ELMOD2: variants seen among roughly 807,000 people sequenced by gnomAD.
ELMOD2 encodes ELMO domain-containing protein 2.
In ELMOD2, 28 loss-of-function variants were observed where a neutral mutation model predicts 41.0. The ratio of observed to expected loss-of-function variants is 0.68; its 90% CI spans 0.51 to 0.94. ELMOD2 has a LOEUF of 0.94. Among genes scored for constraint, ELMOD2 ranks in the 40% least tolerant of loss-of-function variants. The pLI, the probability that ELMOD2 is intolerant of heterozygous loss-of-function variation, is 0.00. For missense variants in ELMOD2, 333 were observed against 343.1 expected (o/e 0.97, Z 0.23); for synonymous variants, 106 against 107.2 (o/e 0.99, Z 0.07).
chr4:140,530,351 G>A (rs551619676), intron 3 of ELMOD2, among the ~76,000 whole-genome samples: 1 of 152,280 alleles, frequency 6.6e-6, no homozygotes, highest in East Asian at 1.9e-4. Context: ...CACATGTTCA[G>A]TATTCAACCA....
At chr4:140,543,222 G>C (rs943062101) in intron 7 of ELMOD2, among the ~76,000 whole-genome samples, 2 of 151,896 alleles carry the variant, frequency 1.3e-5, no homozygotes, top group Non-Finnish European at 2.9e-5. Context: ...TAGATATCAT[G>C]TGAACAGAGC....
rs16998469 is a variant in ELMOD2 at position 140,540,016 on chromosome 4, A to T, written c.400-152A>T. 0.12 allele frequency: 95,289 copies of T among 807,802 alleles called. 6,179 individuals are homozygous for T. The highest frequency in any genetic ancestry group is 0.21 in the Admixed American group (7,103 of 33,780). 50.0% of individuals were successfully genotyped at this position (807,802 alleles called of 1,614,324 possible). On this transcript the variant is annotated intron_variant, in intron 5 of 8. Transcript: ENST00000323570. ...TTATACCAGTCTTTTTAATGGGAAT[A>T]AATGTGCTGCGTGTTTTAGGATAAT...
intron 4 of ELMOD2, among the ~76,000 whole-genome samples, chr4:140,536,841 T>TAAA (rs1182328569): frequency 2.4e-4 from 37 of 151,998 alleles, no homozygotes; most frequent in Middle Eastern, 3.4e-3. Context: ...GGAGAAAGAG[T>TAAA]GCTATGAGGA....
intron 1 of ELMOD2, chr4:140,524,706 ATTTTGT>A: frequency 1.0e-6 from 1 of 963,102 alleles, no homozygotes; most frequent in Non-Finnish European, 1.2e-6. Flanking sequence ...GAGACGAGCA[ATTTTGT>A]TTTTAAGTAT....
rs1461758180 is a variant in ELMOD2, at chr4:140,525,409, CCCT to C, written c.-9-5_-9-3del. ...GTCATTAAGCTTGTCTTGTATGTTT[CCCT>C]CCTCCAGGAAAAAAAAATGTTTATT... On this transcript the variant is annotated splice_polypyrimidine_tract_variant and splice_region_variant and intron_variant, in intron 1 of 8. Coordinates refer to ENST00000323570, the MANE Select transcript of ELMOD2 (RefSeq NM_153702.4). 8 of 1,610,346 alleles carry C rather than the reference CCCT, an allele frequency of 5.0e-6. No individual in the cohort carries two copies. The Admixed American group carries it at 8.4e-5, about 17-fold the overall frequency.
chr4:140,550,764 T>G lies in ELMOD2; in HGVS notation c.*389T>G, dbSNP rs1735448442. ...TCAAAGCTCTTTAAGATTTTTTTGGTTTTTAGTTTGGAAATGGCTGTTTTT... is the reference window on the plus strand; with the variant it reads ...TCAAAGCTCTTTAAGATTTTTTTGGGTTTTAGTTTGGAAATGGCTGTTTTT... On this transcript the variant is annotated 3_prime_UTR_variant, in exon 9 of 9. Coordinates refer to ENST00000323570, the MANE Select transcript of ELMOD2 (RefSeq NM_153702.4). 1 of 148,500 alleles carries G rather than the reference T, an allele frequency of 6.7e-6. No homozygotes were observed. Among genetic ancestry groups the G allele is most frequent in the Non-Finnish European group, 1.5e-5 (1 of 67,164 alleles). 9.2% of individuals were successfully genotyped at this position (148,500 alleles called of 1,614,324 possible).
At chr4:140,535,075 A>G (rs1321865954) in intron 3 of ELMOD2, among the ~76,000 whole-genome samples, 2 of 151,638 alleles carry the variant, frequency 1.3e-5, no homozygotes, top group East Asian at 3.9e-4. Context: ...ACTGATTGTT[A>G]TTAATAGATC....
At chr4:140,542,088 A>G (rs1017444931) in intron 6 of ELMOD2, among the ~76,000 whole-genome samples, 15 of 152,028 alleles carry the variant, frequency 9.9e-5, no homozygotes, top group African/African-American at 3.4e-4. Flanking sequence ...TATAGCTAGT[A>G]TTTTAGTTAT....
chr4:140,544,450 G>A (rs1222193220), intron 8 of ELMOD2, among the ~76,000 whole-genome samples: 3 of 151,996 alleles, frequency 2.0e-5, no homozygotes, highest in Non-Finnish European at 2.9e-5. Context: ...TTTGTTACTA[G>A]GTTACTATAA....
chr4:140,543,322 C>A, intron 7 of ELMOD2, 131 bp from the exon 8 acceptor site: 2 of 956,520 alleles, frequency 2.1e-6, no homozygotes, highest in Non-Finnish European at 1.5e-6. Flanking sequence ...TTTTTCTTAC[C>A]ATGTAGAGAT....
intron 8 of ELMOD2, among the ~76,000 whole-genome samples, chr4:140,547,545 A>G (rs1342822917): frequency 6.6e-6 from 1 of 152,070 alleles, no homozygotes; most frequent in Non-Finnish European, 1.5e-5. Context: ...AAAAATAGTA[A>G]CACCTCAAGT....
At chr4:140,532,323 T>C (rs1734778306) in intron 3 of ELMOD2, among the ~76,000 whole-genome samples, 1 of 152,020 alleles carries the variant, frequency 6.6e-6, no homozygotes, top group Non-Finnish European at 1.5e-5. Context: ...CACACCACCA[T>C]GCCTGGCTAA....
At position 140,540,242 on chromosome 4, in the gene ELMOD2, G is replaced by A. The variant is rs888611230; in HGVS notation, c.474G>A (p.Gln158=). 6.2e-7 allele frequency: 1 copy of A among 1,614,162 alleles called. No individual in the cohort carries two copies. The highest frequency in any genetic ancestry group is 8.5e-7 in the Non-Finnish European group (1 of 1,180,018). The stretch of plus-strand genomic sequence containing the variant: ...AGCAGTGGGCTGAAATTGGTTTTCA[G>A]GGTGATGATCCCAAGACAGACTTCA... ...ISKQWAEIGF[Q]GDDPKTDFRG... is the part of the protein sequence containing the mutation. Residue 158 remains glutamine (Q), a synonymous_variant, in exon 6 of 9, where the codon CAG becomes CAA. Coordinates refer to ENST00000323570, the MANE Select transcript of ELMOD2 (RefSeq NM_153702.4).
intron 3 of ELMOD2, among the ~76,000 whole-genome samples, chr4:140,530,659 G>C (rs1734718984): frequency 6.6e-6 from 1 of 152,072 alleles, no homozygotes; most frequent in East Asian, 1.9e-4. Context: ...GTCAACAAAT[G>C]GGTAAATACT....
At chr4:140,543,386 A>G in intron 7 of ELMOD2, 67 bp from the exon 8 acceptor site, 1 of 1,517,332 alleles carries the variant, frequency 6.6e-7, no homozygotes, top group Non-Finnish European at 8.8e-7. Context: ...CTAATTCCTA[A>G]CATAATTTTA....
intron 3 of ELMOD2, among the ~76,000 whole-genome samples, chr4:140,528,451 C>A (rs551932464): frequency 1.3e-5 from 2 of 152,182 alleles, no homozygotes; most frequent in East Asian, 3.9e-4. Context: ...AGGAATAGAA[C>A]AGAAAATATT....
chr4:140,525,565 G>C lies in ELMOD2; in HGVS notation c.137G>C (p.Arg46Thr). The change falls in exon 2 of 9, where the codon AGG becomes ACG. Residue 46 changes from arginine to threonine, a missense_variant. Arg to Thr is a moderately conservative substitution (Grantham distance 71, BLOSUM62 -1). Coordinates refer to ENST00000323570, the MANE Select transcript of ELMOD2 (RefSeq NM_153702.4). ...TATGTAGGTGCACAAAGGACACACA[G>C]GATAGGTAATGTTATTCAAAAAGAA... ...DTYVGAQRTH[R>T]IENSLTYSKN... The C allele has an allele frequency of 1.2e-6, 2 of 1,601,826 alleles. No homozygotes were observed. The highest frequency in any genetic ancestry group is 1.7e-6 in the Non-Finnish European group (2 of 1,176,662).
chr4:140,546,976 C>T (rs1416301450), intron 8 of ELMOD2, among the ~76,000 whole-genome samples: 3 of 152,096 alleles, frequency 2.0e-5, no homozygotes, highest in Admixed American at 2.0e-4. Context: ...ATGCATATAC[C>T]TATGTACCTT....
Position 140,550,320 on chromosome 4 carries a change from A to G in ELMOD2, c.827A>G (p.Glu276Gly). ...AATTTGTATAGAGAGAAGTTTCATG[A>G]AAAGATTAAAGGACTTTTACTGGAT... is the stretch of plus-strand genomic sequence containing the variant. ...YFNLYREKFH[E>G]KIKGLLLDCN... The change falls in exon 9 of 9, where the codon GAA becomes GGA. Residue 276 changes from glutamate to glycine, a missense_variant. Coordinates refer to ENST00000323570, the MANE Select transcript of ELMOD2 (RefSeq NM_153702.4). 6.2e-7 allele frequency: 1 copy of G among 1,611,604 alleles called. No individual in the cohort carries two copies. The highest frequency in any genetic ancestry group is 8.5e-7 in the Non-Finnish European group (1 of 1,178,642).
Sources: allele counts gnomAD v4.1 joint callset (sites outside exome capture counted in the v4.1 genomes callset), GRCh38; gene constraint gnomAD v4.1.1; transcripts MANE v1.5; gene names NCBI Gene and HGNC (gene_info 2026-07-23, HGNC 2026-07-21).